The following ATP13A4 variants were observed in gnomAD, a reference collection of about 807,000 sequenced individuals.
The protein encoded by ATP13A4 is ATPase 13A4.
ATP13A4 carries 114 observed loss-of-function variants against 142.5 expected under a neutral mutation model. That is an observed-to-expected ratio of 0.80 (90% CI 0.69 to 0.93). The LOEUF (loss-of-function observed/expected upper bound fraction) is 0.93, where lower values mean the gene tolerates loss of function less well. ATP13A4 is among the 40% of genes least tolerant of loss of function. ATP13A4 has a pLI of 0.00. For missense variants in ATP13A4, 1,392 were observed against 1,454.0 expected (o/e 0.96, Z 0.69); for synonymous variants, 488 against 514.8 (o/e 0.95, Z 0.70).
chr3:193,538,468 A>C (rs1179446578), intron 1 of ATP13A4, among the ~76,000 whole-genome samples: 1 of 151,398 alleles, frequency 6.6e-6, no homozygotes, highest in Non-Finnish European at 1.5e-5. Context: ...TCCTCACACA[A>C]ACTTTATTGT....
chr3:193,468,126 C>A (rs771137255), intron 9 of ATP13A4, among the ~76,000 whole-genome samples: 16 of 152,046 alleles, frequency 1.1e-4, no homozygotes, highest in Non-Finnish European at 2.1e-4. Flanking sequence ...TTGTGGTGAG[C>A]CAAGATTGTG....
At chr3:193,473,341 G>GAATA (rs549426423) in intron 8 of ATP13A4, among the ~76,000 whole-genome samples, 68 of 152,212 alleles carry the variant, frequency 4.5e-4, no homozygotes, top group Non-Finnish European at 5.7e-4. Context: ...TTCAGTAAAT[G>GAATA]AATAAATAAA....
At chr3:193,508,234 C>G (rs1720958834) in intron 2 of ATP13A4, among the ~76,000 whole-genome samples, 1 of 152,198 alleles carries the variant, frequency 6.6e-6, no homozygotes, top group Admixed American at 6.5e-5. Flanking sequence ...GTTATTTCAG[C>G]AAAACCTGGT....
chr3:193,556,595 C>G (rs1723898639), upstream of ATP13A4, among the ~76,000 whole-genome samples: 1 of 151,638 alleles, frequency 6.6e-6, no homozygotes, highest in African/African-American at 2.4e-5. Context: ...CATTTTATCA[C>G]AAGGTCAAAA....
At chr3:193,417,700 A>AT (rs1361802616) in intron 25 of ATP13A4, among the ~76,000 whole-genome samples, 1 of 139,426 alleles carries the variant, frequency 7.2e-6, no homozygotes, top group East Asian at 2.7e-4. Flanking sequence ...ACAAAAAAGA[A>AT]ATTGGCCAGG....
Position 193,582,718 on chromosome 3 carries a change from A to T in ATP13A4, n.92-812T>A, listed in dbSNP as rs1325358674. Among the ~76,000 whole-genome samples the T allele has an allele frequency of 4.3e-5, 2 of 46,908 alleles. 1 individual carries two copies. Among genetic ancestry groups the T allele is most frequent in the East Asian group, 1.2e-3 (2 of 1,684 alleles). 30.8% of individuals were successfully genotyped at this position (46,908 alleles called of 152,430 possible). On this transcript the variant is annotated intron_variant and non_coding_transcript_variant, in intron 1 of 3. Transcript: ENST00000489140. ...TATAACATATATAATATATATGTAT[A>T]TTACATATATAAAATATATATGTAT...
chr3:193,582,534 AT>A lies in ATP13A4; in HGVS notation n.92-629del, dbSNP rs1404361808. Reference sequence around the variant, plus strand: ...CATTAATAATATATGTACATTATATATTATTACATATATTATATGTATTATA... The same window carrying A: ...CATTAATAATATATGTACATTATATATATTACATATATTATATGTATTATA... On this transcript the variant is annotated intron_variant and non_coding_transcript_variant, in intron 1 of 3. Coordinates refer to the ATP13A4 transcript ENST00000489140. 5.2e-5 allele frequency among the ~76,000 whole-genome samples: 7 copies of A among 135,460 alleles called. No individual in the cohort carries two copies. The East Asian group carries it at 8.2e-4, about 16-fold the overall frequency. 88.9% of individuals were successfully genotyped at this position (135,460 alleles called of 152,430 possible). A position where few individuals can be genotyped will look rare whatever the true frequency, so the allele number is the denominator to read the frequency against.
intron 13 of ATP13A4, among the ~76,000 whole-genome samples, chr3:193,461,891 T>C (rs944441101): frequency 5.3e-5 from 8 of 152,054 alleles, no homozygotes; most frequent in East Asian, 1.9e-4. Context: ...TACCACACCA[T>C]GCTGAGAACT....
At chr3:193,533,234 GTAAA>G (rs931344076) in intron 1 of ATP13A4, among the ~76,000 whole-genome samples, 2 of 152,058 alleles carry the variant, frequency 1.3e-5, no homozygotes, top group Admixed American at 6.5e-5. Flanking sequence ...ACATTTTTAA[GTAAA>G]TAAATAAATA....
At position 193,492,922 on chromosome 3, in the gene ATP13A4, C is replaced by G; in HGVS notation, c.528G>C (p.Glu176Asp). The G allele has an allele frequency of 6.2e-7, 1 of 1,604,118 alleles. No homozygotes were observed. Among genetic ancestry groups the G allele is most frequent in the Non-Finnish European group, 8.5e-7 (1 of 1,171,998 alleles). The part of the protein sequence containing the change: ...FGSGLTREEQ[E>D]IRRLICGPNT... ...GGCAATAATATGCATGGTACCTAAT[C>G]TCCTGTTCTTCTCTTGTCAAGCCTG... is the stretch of plus-strand genomic sequence containing the variant. The change falls in exon 5 of 30, where the codon GAG (glutamate) becomes GAC (aspartate). Residue 176 changes from glutamate (E) to aspartate (D), a missense_variant. Glu to Asp is a conservative substitution (Grantham distance 45). Coordinates refer to ENST00000342695, the MANE Select transcript of ATP13A4 (RefSeq NM_032279.4).
At chr3:193,422,848 A>G (rs1715474039) in intron 25 of ATP13A4, among the ~76,000 whole-genome samples, 2 of 149,576 alleles carry the variant, frequency 1.3e-5, no homozygotes, top group Non-Finnish European at 3.0e-5. Context: ...TAAACCCAAT[A>G]TTAGTAGAAA....
At position 193,514,958 on chromosome 3, in the gene ATP13A4, G is replaced by T. The variant is rs1048688913; in HGVS notation, c.61-87C>A. ...ATACTGATTTTAGTGATGGAAATGG[G>T]GGCAGAGTGAAGGAGTTGAGGAGGG... is the stretch of plus-strand genomic sequence containing the variant. On this transcript the variant is annotated intron_variant, in intron 1 of 29. Coordinates refer to ENST00000342695, the MANE Select transcript of ATP13A4 (RefSeq NM_032279.4). 29 of 1,460,796 alleles carry T rather than the reference G, an allele frequency of 2.0e-5. No individual in the cohort carries two copies. The South Asian group carries it at 3.3e-4, about 17-fold the overall frequency. The allele number at this position is 1,460,796 out of a possible 1,614,324, so 90.5% of individuals were successfully genotyped here. A position where few individuals can be genotyped will look rare whatever the true frequency, so the allele number is the denominator to read the frequency against.
At position 193,488,474 on chromosome 3, in the gene ATP13A4, G is replaced by A. The variant is rs12629835; in HGVS notation, c.738+1256C>T. Among the ~76,000 whole-genome samples the A allele has an allele frequency of 2.5e-3, 374 of 152,122 alleles. 3 individuals are homozygous for A. The highest frequency in any genetic ancestry group is 0.018 in the East Asian group (94 of 5,166). On this transcript the variant is annotated intron_variant, in intron 7 of 29. Coordinates refer to ENST00000342695, the MANE Select transcript of ATP13A4 (RefSeq NM_032279.4). ...AATTTTTATTCACACTCTTTTGTTCGGTTTGAATTTTATTTTTATCATAGC... is the reference window on the plus strand; with the variant it reads ...AATTTTTATTCACACTCTTTTGTTCAGTTTGAATTTTATTTTTATCATAGC...
At chr3:193,545,075 T>C (rs1019887300) in intron 1 of ATP13A4, among the ~76,000 whole-genome samples, 1 of 152,198 alleles carries the variant, frequency 6.6e-6, no homozygotes, top group African/African-American at 2.4e-5. Context: ...ATGTGACATG[T>C]TAAATATAAA....
rs1298360677 is a variant in ATP13A4 at position 193,400,805 on chromosome 3, G to A, written c.*1847C>T. ...AACTGTGCAGGCTGATCTTGCTCAT[G>A]ACTAGGTCACAGACCATCTCTAGCT... On this transcript the variant is annotated 3_prime_UTR_variant, in exon 30 of 30. Coordinates refer to ENST00000342695, the MANE Select transcript of ATP13A4 (RefSeq NM_032279.4). 9.2e-5 allele frequency among the ~76,000 whole-genome samples: 14 copies of A among 152,190 alleles called. No individual in the cohort carries two copies. Among genetic ancestry groups the A allele is most frequent in the Admixed American group, 9.2e-4 (14 of 15,286 alleles).
At chr3:193,562,412 C>T (rs959610570) in intron 2 of ATP13A4, among the ~76,000 whole-genome samples, 3 of 152,112 alleles carry the variant, frequency 2.0e-5, no homozygotes, top group African/African-American at 7.2e-5. Context: ...ATGCATTCAT[C>T]AGGCATTTTT....
intron 15 of ATP13A4, 80 bp from the exon 16 acceptor site, chr3:193,457,233 A>T: frequency 6.3e-7 from 1 of 1,590,162 alleles, no homozygotes; most frequent in Non-Finnish European, 8.6e-7. Flanking sequence ...CTTCCGTAAT[A>T]TTCATTTTAA....
intron 8 of ATP13A4, among the ~76,000 whole-genome samples, chr3:193,472,796 A>T (rs1718701362): frequency 6.6e-6 from 1 of 152,208 alleles, no homozygotes; most frequent in South Asian, 2.1e-4. Context: ...CCTCCCGCAG[A>T]TAAGAGGGGA....
intron 26 of ATP13A4, 82 bp from the exon 27 acceptor site, chr3:193,412,453 A>C: frequency 7.5e-7 from 1 of 1,339,456 alleles, no homozygotes; most frequent in Non-Finnish European, 1.1e-6. Context: ...TTCCATACCA[A>C]ACAGTGTCCA....
Sources: gnomAD v4.1 joint callset for allele counts (sites outside exome capture counted in the v4.1 genomes callset) on GRCh38, gnomAD v4.1.1 for gene constraint, MANE v1.5 for transcripts, NCBI Gene and HGNC (gene_info 2026-07-23, HGNC 2026-07-21) for gene names.